Variants in DUSP10 observed in about 807,000 individuals in gnomAD.
DUSP10 encodes dual specificity phosphatase 10.
Under a neutral mutation model 30.8 loss-of-function variants are expected in DUSP10, and 14 were observed. The ratio of observed to expected loss-of-function variants is 0.46; its 90% confidence interval spans 0.30 to 0.71. The LOEUF is 0.71. Among genes scored for constraint, DUSP10 ranks in the 30% least tolerant of loss-of-function variants. The pLI, the probability that DUSP10 is intolerant of heterozygous loss-of-function variation, is 0.08. For missense variants in DUSP10, 550 were observed against 619.4 expected (o/e 0.89, Z 1.19); for synonymous variants, 254 against 250.4 (o/e 1.01, Z -0.14).
intron 2 of DUSP10, among the ~76,000 whole-genome samples, chr1:221,718,158 G>T (rs1661168046): frequency 6.6e-6 from 1 of 151,894 alleles, no homozygotes; most frequent in Admixed American, 6.6e-5. Context: ...GAAAGGACCA[G>T]CATGCCTATA....
chr1:221,715,321 TA>T (rs1322245972), intron 2 of DUSP10, among the ~76,000 whole-genome samples: 6 of 152,192 alleles, frequency 3.9e-5, no homozygotes, highest in Non-Finnish European at 8.8e-5. Context: ...GTCAGAGCTT[TA>T]AAGATTCCCC....
Position 221,739,469 on chromosome 1 carries a change from G to A in DUSP10, c.276C>T (p.Ala92=), listed in dbSNP as rs751570837. 29 of 1,614,034 alleles carry A rather than the reference G, an allele frequency of 1.8e-5. No individual in the cohort carries two copies. In the South Asian group the frequency reaches 3.1e-4, roughly 17 times the overall value. The change falls in exon 2 of 4, where the codon GCC becomes GCT. Residue 92 remains alanine (A), a synonymous_variant. Transcript: ENST00000366899. ...TVATYDKDNQ[A]QTQAIAAGTT... ...TGCCAGCGGCAATGGCTTGGGTTTGGGCCTGATTGTCCTTGTCGTAGGTTG... is the reference window on the plus strand; with the variant it reads ...TGCCAGCGGCAATGGCTTGGGTTTGAGCCTGATTGTCCTTGTCGTAGGTTG...
chr1:221,714,853 TTAC>T (rs1283831679), intron 2 of DUSP10, among the ~76,000 whole-genome samples: 1 of 152,196 alleles, frequency 6.6e-6, no homozygotes, highest in Non-Finnish European at 1.5e-5. Flanking sequence ...ACTTCAATAG[TTAC>T]TATTGTTTCT....
At chr1:221,717,822 A>G (rs563256002) in intron 2 of DUSP10, among the ~76,000 whole-genome samples, 1 of 152,276 alleles carries the variant, frequency 6.6e-6, no homozygotes, top group Non-Finnish European at 1.5e-5. Context: ...TGGCACCCCA[A>G]TCTTGAACTT....
At position 221,706,426 on chromosome 1, in the gene DUSP10, A is replaced by G. The variant is rs774049019; in HGVS notation, c.852T>C (p.Cys284=). The G allele has an allele frequency of 3.4e-5, 52 of 1,537,746 alleles. No homozygotes were observed. The highest frequency in any genetic ancestry group is 4.5e-5 in the Non-Finnish European group (51 of 1,142,778). ...ACTCTTGGAGCTGGAGGGAGTTGTC[A>G]CAGAGGTTTTCATGGTTCTGCTTAA... ...SSFKQNHENL[C]DNSLQLQECR... is the part of the protein sequence containing the mutation. Residue 284 remains cysteine, a synonymous_variant, in exon 3 of 4, where the codon TGT becomes TGC. Coordinates refer to ENST00000366899, the MANE Select transcript of DUSP10 (RefSeq NM_007207.6). The surrounding 1 kb of genome is among the most constrained non-coding windows in gnomAD (Gnocchi z 4.6).
chr1:221,734,250 C>T (rs779322388), intron 2 of DUSP10, among the ~76,000 whole-genome samples: 2 of 152,192 alleles, frequency 1.3e-5, no homozygotes, highest in Non-Finnish European at 2.9e-5. Flanking sequence ...CATGTTTTTA[C>T]AAATTTCCCT....
intron 2 of DUSP10, among the ~76,000 whole-genome samples, chr1:221,735,254 G>C (rs942481779): frequency 1.3e-5 from 2 of 152,190 alleles, no homozygotes; most frequent in African/African-American, 4.8e-5. Flanking sequence ...CAACAGCATA[G>C]AGCAAGTAGA....
At chr1:221,741,593 G>A (rs757528924) in intron 1 of DUSP10, among the ~76,000 whole-genome samples, 1 of 152,136 alleles carries the variant, frequency 6.6e-6, no homozygotes, top group Non-Finnish European at 1.5e-5. Context: ...AGTGGTTAGA[G>A]AATGCTTCTT....
chr1:221,726,778 C>T (rs987834644), intron 2 of DUSP10, among the ~76,000 whole-genome samples: 1 of 149,272 alleles, frequency 6.7e-6, no homozygotes, highest in African/African-American at 2.5e-5. Flanking sequence ...AACTTTTAAA[C>T]AAAAAGATCT....
intron 2 of DUSP10, among the ~76,000 whole-genome samples, chr1:221,707,178 A>G (rs1250164620): frequency 6.6e-6 from 1 of 152,180 alleles, no homozygotes; most frequent in Non-Finnish European, 1.5e-5. Context: ...ACACAGTAGA[A>G]CTCAGCAGGC....
At chr1:221,737,102 T>A (rs1661798011) in intron 2 of DUSP10, 2 of 985,418 alleles carry the variant, frequency 2.0e-6, no homozygotes, top group Non-Finnish European at 2.4e-6. Context: ...CAATGACTGA[T>A]GGGTCACCCC....
In DUSP10 at chr1:221,702,313, C is replaced by T; in HGVS notation, c.*99G>A. ...TTGTTTCCATTCACAAACTTACTCCCAACTACAAAAAAAAAAAGAAAGAAA... is the reference window on the plus strand; with the variant it reads ...TTGTTTCCATTCACAAACTTACTCCTAACTACAAAAAAAAAAAGAAAGAAA... On this transcript the variant is annotated 3_prime_UTR_variant, in exon 4 of 4. Coordinates refer to ENST00000366899, the MANE Select transcript of DUSP10 (RefSeq NM_007207.6). The surrounding 1 kb of genome is among the most constrained non-coding windows in gnomAD (Gnocchi z 4.5). The T allele has an allele frequency of 7.1e-7, 1 of 1,400,402 alleles. No individual in the cohort carries two copies. Among genetic ancestry groups the T allele is most frequent in the Middle Eastern group, 2.6e-4 (1 of 3,882 alleles). The allele number at this position is 1,400,402 out of a possible 1,614,324, so 86.7% of individuals were successfully genotyped here.
chr1:221,722,116 A>G (rs1315769706), intron 2 of DUSP10, among the ~76,000 whole-genome samples: 1 of 152,256 alleles, frequency 6.6e-6, no homozygotes, highest in Non-Finnish European at 1.5e-5. Flanking sequence ...ACTTAAGACC[A>G]TGTGAAACCA....
intron 2 of DUSP10, among the ~76,000 whole-genome samples, chr1:221,733,938 A>C (rs937713055): frequency 6.6e-6 from 1 of 152,218 alleles, no homozygotes; most frequent in African/African-American, 2.4e-5. Flanking sequence ...GAGTGTACCC[A>C]AAAGCTCAGA....
In DUSP10 at chr1:221,737,276, G is replaced by A. The variant is rs112547870; in HGVS notation, c.811+1658C>T. 1.5e-3 allele frequency: 1,430 copies of A among 985,342 alleles called. 16 individuals are homozygous for A. In the African/African-American group the frequency reaches 0.022, roughly 15 times the overall value. The allele number at this position is 985,342 out of a possible 1,614,324, so 61.0% of individuals were successfully genotyped here. On this transcript the variant is annotated intron_variant, in intron 2 of 3. Transcript: ENST00000366899. The stretch of plus-strand genomic sequence containing the variant: ...TTTTTATCATGAACACCTGCTCTGC[G>A]TGAGAAAAGAGGAGATCATCATGAT...
At chr1:221,724,551 CATTTCA>C (rs1661371182) in intron 2 of DUSP10, among the ~76,000 whole-genome samples, 1 of 152,164 alleles carries the variant, frequency 6.6e-6, no homozygotes, top group Non-Finnish European at 1.5e-5. Context: ...GGACTGGCCC[CATTTCA>C]AGTGCTCAAT....
intron 2 of DUSP10, among the ~76,000 whole-genome samples, chr1:221,730,331 C>A (rs1446881643): frequency 6.6e-6 from 1 of 152,192 alleles, no homozygotes; most frequent in Non-Finnish European, 1.5e-5. Context: ...GGTTTAAGCT[C>A]CTCAAAGGGA....
chr1:221,731,375 C>T (rs1010030639), intron 2 of DUSP10, among the ~76,000 whole-genome samples: 6 of 151,902 alleles, frequency 3.9e-5, no homozygotes, highest in East Asian at 3.9e-4. Context: ...TGAAAATAAA[C>T]GAAGCCCTTA....
intron 1 of DUSP10, among the ~76,000 whole-genome samples, chr1:221,740,260 G>A (rs755557526): frequency 8.5e-5 from 13 of 152,214 alleles, no homozygotes; most frequent in Non-Finnish European, 1.2e-4. Context: ...GGGTAACCAA[G>A]AGCACTGGCA....
Sources: allele counts gnomAD v4.1 joint callset (sites outside exome capture counted in the v4.1 genomes callset), GRCh38; gene constraint gnomAD v4.1.1; non-coding constraint Gnocchi (gnomAD v3.1); transcripts MANE v1.5; gene names NCBI Gene and HGNC (gene_info 2026-07-23, HGNC 2026-07-21).